The following LRRC53 variants were observed in gnomAD, a reference collection of about 807,000 sequenced individuals.
The protein encoded by LRRC53 is leucine-rich repeat-containing protein 53.
In LRRC53, 25 loss-of-function variants were observed where a neutral mutation model predicts 13.6. That is an observed-to-expected ratio of 1.83 (90% CI 1.34 to 2.56). LRRC53 has a LOEUF of 2.56. Ranked by LOEUF, LRRC53 falls within the 30% of genes most tolerant of loss-of-function variation. The pLI, the probability that LRRC53 is intolerant of heterozygous loss-of-function variation, is 0.00. For missense variants in LRRC53, 527 were observed against 275.8 expected (o/e 1.91, Z -6.45); for synonymous variants, 204 against 109.8 (o/e 1.86, Z -5.37).
At chr1:74,527,272 A>G in the LRRC53 span, among the ~76,000 whole-genome samples, 2 of 152,246 alleles carry the variant, frequency 1.3e-5, no homozygotes, top group African/African-American at 2.4e-5. Context: ...AATGACCACA[A>G]ACTTTGTTAA....
intron 1 of LRRC53, among the ~76,000 whole-genome samples, chr1:74,491,251 C>A (rs755325317): frequency 2.0e-5 from 3 of 152,162 alleles, no homozygotes; most frequent in Non-Finnish European, 2.9e-5. Flanking sequence ...GAGAGAGTCT[C>A]GCTCTGTCTC....
At chr1:74,503,729 C>T (rs1440312642) in intron 1 of LRRC53, among the ~76,000 whole-genome samples, 1 of 152,180 alleles carries the variant, frequency 6.6e-6, no homozygotes, top group Non-Finnish European at 1.5e-5. Context: ...GCAAGTGCCA[C>T]GATGCCTATC....
chr1:74,502,009 T>C (rs1669658399), intron 1 of LRRC53, among the ~76,000 whole-genome samples: 1 of 152,142 alleles, frequency 6.6e-6, no homozygotes, highest in Non-Finnish European at 1.5e-5. Flanking sequence ...ATGTTGCCCT[T>C]TGAAGATTTT....
rs1374225137 is a variant in LRRC53 at position 74,480,397 on chromosome 1, A to G, written c.660T>C (p.Cys220=). ...SLDKNQWSCT[C]DLHPLARFLR... ...AAAACCGAGCAAGGGGATGGAGATC[A>G]CAAGTGCAGCTCCACTGGTTCTTAT... Residue 220 remains cysteine, a synonymous_variant, in exon 3 of 5, where the codon TGT becomes TGC. Coordinates refer to ENST00000294635, the MANE Select transcript of LRRC53 (RefSeq NM_001382280.1). 1 of 717,480 alleles carries G rather than the reference A, an allele frequency of 1.4e-6. No homozygotes were observed. The highest frequency in any genetic ancestry group is 1.7e-5 in the African/African-American group (1 of 57,264). The allele number at this position is 717,480 out of a possible 1,614,324, so 44.4% of individuals were successfully genotyped here. A position where few individuals can be genotyped will look rare whatever the true frequency, so the allele number is the denominator to read the frequency against.
At chr1:74,473,941 A>T (rs925681848) in intron 4 of LRRC53, among the ~76,000 whole-genome samples, 2 of 152,088 alleles carry the variant, frequency 1.3e-5, no homozygotes, top group African/African-American at 4.8e-5. Context: ...GCATAATCAG[A>T]GTGGCAATTT....
At position 74,500,695 on chromosome 1, in the gene LRRC53, G is replaced by A. The variant is rs1240830211; in HGVS notation, c.-27+11831C>T. Among the ~76,000 whole-genome samples the A allele has an allele frequency of 2.9e-5, 3 of 103,750 alleles. No homozygotes were observed. The East Asian group carries it at 9.2e-4, about 32-fold the overall frequency. 68.1% of individuals were successfully genotyped at this position (103,750 alleles called of 152,430 possible). A position where few individuals can be genotyped will look rare whatever the true frequency, so the allele number is the denominator to read the frequency against. On this transcript the variant is annotated intron_variant, in intron 1 of 4. Transcript: ENST00000294635. Reference sequence around the variant, plus strand: ...CTCACTCTGTTGGAAGTAAACAAATGAAAAACACTTATCTTCCCTCTTTTT... The same window carrying A: ...CTCACTCTGTTGGAAGTAAACAAATAAAAAACACTTATCTTCCCTCTTTTT...
In LRRC53 at chr1:74,480,337, G is replaced by A. The variant is rs1668423260; in HGVS notation, c.720C>T (p.Leu240=). 3 of 717,762 alleles carry A rather than the reference G, an allele frequency of 4.2e-6. 1 individual carries two copies. The South Asian group carries it at 4.4e-5, about 11-fold the overall frequency. The allele number at this position is 717,762 out of a possible 1,614,324, so 44.5% of individuals were successfully genotyped here. A position where few individuals can be genotyped will look rare whatever the true frequency, so the allele number is the denominator to read the frequency against. The change falls in exon 3 of 5, where the codon CTC becomes CTT. Residue 240 remains leucine, a synonymous_variant. Transcript: ENST00000294635. ...GGCAATTTAGGTCCTTGGCATTCCTGAGCGTGTGAGCAGAAGACTTAATGT... is the reference window on the plus strand; with the variant it reads ...GGCAATTTAGGTCCTTGGCATTCCTAAGCGTGTGAGCAGAAGACTTAATGT... The part of the protein sequence containing the change: ...RNYIKSSAHT[L]RNAKDLNCQP...
intron 1 of LRRC53, among the ~76,000 whole-genome samples, chr1:74,484,108 AC>A (rs1448254891): frequency 6.6e-6 from 1 of 151,902 alleles, no homozygotes. Flanking sequence ...GTTAAACTTT[AC>A]CTTTATTTTA....
the LRRC53 span, among the ~76,000 whole-genome samples, chr1:74,534,252 C>T: frequency 2.6e-5 from 4 of 152,118 alleles, no homozygotes; most frequent in East Asian, 1.9e-4. Flanking sequence ...AAATAGTATA[C>T]GTCTGTTATA....
chr1:74,529,654 T>C, the LRRC53 span, among the ~76,000 whole-genome samples: 2 of 152,330 alleles, frequency 1.3e-5, no homozygotes, highest in South Asian at 2.1e-4. Flanking sequence ...TACACTAAAG[T>C]ATTTGGGAGA....
the LRRC53 span, among the ~76,000 whole-genome samples, chr1:74,527,245 A>G: frequency 6.6e-6 from 1 of 152,222 alleles, no homozygotes; most frequent in East Asian, 1.9e-4. Flanking sequence ...GGCTAAAGAA[A>G]TGAAAGGAGG....
chr1:74,527,413 A>T, the LRRC53 span, among the ~76,000 whole-genome samples: 1 of 152,240 alleles, frequency 6.6e-6, no homozygotes, highest in African/African-American at 2.4e-5. Flanking sequence ...GAAAATAGGA[A>T]ACACAAGATT....
intron 1 of LRRC53, among the ~76,000 whole-genome samples, chr1:74,494,646 TC>T (rs1183463092): frequency 1.3e-5 from 2 of 152,214 alleles, no homozygotes; most frequent in Non-Finnish European, 2.9e-5. Context: ...CTGAGGTTTG[TC>T]CACTTGAGAC....
At chr1:74,484,843 C>A (rs951982726) in intron 1 of LRRC53, among the ~76,000 whole-genome samples, 3 of 152,110 alleles carry the variant, frequency 2.0e-5, no homozygotes, top group African/African-American at 4.8e-5. Flanking sequence ...GGTCTGATGT[C>A]TATTTTTAAA....
the LRRC53 span, among the ~76,000 whole-genome samples, chr1:74,532,328 C>CT: frequency 6.6e-6 from 1 of 152,094 alleles, no homozygotes; most frequent in African/African-American, 2.4e-5. Flanking sequence ...GGATGTTTCT[C>CT]TAAGAAGAAT....
chr1:74,531,334 A>C, the LRRC53 span, among the ~76,000 whole-genome samples: 1 of 152,248 alleles, frequency 6.6e-6, no homozygotes, highest in African/African-American at 2.4e-5. Flanking sequence ...ATAAATAAAC[A>C]TATTGAACTT....
chr1:74,473,794 G>T (rs1002172574), intron 4 of LRRC53, among the ~76,000 whole-genome samples: 1 of 152,138 alleles, frequency 6.6e-6, no homozygotes, highest in African/African-American at 2.4e-5. Context: ...AACAAATTAT[G>T]TTGGGGAAAG....
At chr1:74,474,193 T>C (rs931753945) in intron 4 of LRRC53, among the ~76,000 whole-genome samples, 7 of 152,112 alleles carry the variant, frequency 4.6e-5, no homozygotes, top group South Asian at 2.1e-4. Context: ...AGTTCAGGCA[T>C]TGGACAAAGT....
At chr1:74,532,522 T>C in the LRRC53 span, among the ~76,000 whole-genome samples, 7 of 152,052 alleles carry the variant, frequency 4.6e-5, no homozygotes, top group African/African-American at 1.7e-4. Context: ...ATGTGCACAA[T>C]GTGCAGGTTA....
Sources: allele counts gnomAD v4.1 joint callset (sites outside exome capture counted in the v4.1 genomes callset), GRCh38; gene constraint gnomAD v4.1.1; transcripts MANE v1.5; gene names NCBI Gene and HGNC (gene_info 2026-07-23, HGNC 2026-07-21).